ROCK1: variants seen among roughly 807,000 people sequenced by gnomAD.
ROCK1 encodes the protein rho-associated protein kinase 1.
ROCK1 carries 36 observed loss-of-function variants against 196.8 expected under a neutral mutation model. The observed-to-expected ratio is 0.18, with a 90% CI of 0.14 to 0.24. ROCK1 has a LOEUF of 0.24. Ranked by LOEUF, ROCK1 falls within the 10% of genes least tolerant of loss-of-function variation. The pLI, the probability that ROCK1 is intolerant of heterozygous loss-of-function variation, is 1.00. For missense variants in ROCK1, 920 were observed against 1,562.0 expected (o/e 0.59, Z 6.93); for synonymous variants, 443 against 515.9 (o/e 0.86, Z 1.91).
At chr18:21,017,223 G>A (rs892004715) in intron 12 of ROCK1, among the ~76,000 whole-genome samples, 70 of 115,800 alleles carry the variant, frequency 6.0e-4, no homozygotes, top group Admixed American at 2.5e-3. Context: ...ATGAAATCTC[G>A]CTCTGTTGCC....
intron 27 of ROCK1, among the ~76,000 whole-genome samples, chr18:20,965,286 G>A (rs1331810847): frequency 6.6e-6 from 1 of 152,082 alleles, no homozygotes; most frequent in African/African-American, 2.4e-5. Flanking sequence ...AGCTACTCAG[G>A]AGGTTGGGGC....
chr18:20,959,146 A>ATATATATATTATATATTATAT (rs2035297535), intron 29 of ROCK1, among the ~76,000 whole-genome samples: 2 of 59,060 alleles, frequency 3.4e-5, no homozygotes, highest in Admixed American at 6.1e-4. Flanking sequence ...ATATTATATA[A>ATATATATATTATATATTATAT]AATATATATA....
At chr18:21,068,165 T>C (rs1448884020) in intron 2 of ROCK1, among the ~76,000 whole-genome samples, 3 of 152,238 alleles carry the variant, frequency 2.0e-5, no homozygotes, top group Non-Finnish European at 4.4e-5. Flanking sequence ...GCAAATATGT[T>C]CTATGTTTTC....
intron 1 of ROCK1, among the ~76,000 whole-genome samples, chr18:21,072,784 G>A (rs558828938): frequency 6.6e-6 from 1 of 152,108 alleles, no homozygotes; most frequent in East Asian, 1.9e-4. Flanking sequence ...TAAAAATGTA[G>A]AGGAGGCCAG....
At chr18:21,017,192 T>TC (rs1333787364) in intron 12 of ROCK1, among the ~76,000 whole-genome samples, 1 of 145,760 alleles carries the variant, frequency 6.9e-6, no homozygotes, top group East Asian at 2.0e-4. Context: ...ACTTCTTTTT[T>TC]TTTTTTTTTT....
intron 3 of ROCK1, 87 bp downstream of exon 3, chr18:21,049,693 A>T: frequency 3.5e-6 from 3 of 849,506 alleles, no homozygotes; most frequent in Non-Finnish European, 5.5e-6. Context: ...CTATAAAAAC[A>T]GTATTTTCCC....
rs946055404 is a variant in ROCK1, at chr18:21,017,739, G to A, written c.1362-2260C>T. On this transcript the variant is annotated intron_variant, in intron 12 of 32. Transcript: ENST00000399799. Reference sequence around the variant, plus strand: ...TGTAATCCCAGCACTTTGGGAGGCCGAGGTGGGCGGATCAAAAGGCCAGGA... The same window carrying A: ...TGTAATCCCAGCACTTTGGGAGGCCAAGGTGGGCGGATCAAAAGGCCAGGA... Among the ~76,000 whole-genome samples the A allele has an allele frequency of 5.9e-5, 9 of 151,772 alleles. No homozygotes were observed. In the East Asian group the frequency reaches 9.9e-4, roughly 17 times the overall value.
chr18:20,962,218 A>G (rs1449664576), intron 27 of ROCK1, among the ~76,000 whole-genome samples: 1 of 152,218 alleles, frequency 6.6e-6, no homozygotes, highest in Non-Finnish European at 1.5e-5. Context: ...CATATTGATC[A>G]TTCACCAATA....
chr18:21,092,394 C>A (rs1024501726), intron 1 of ROCK1, among the ~76,000 whole-genome samples: 3 of 151,966 alleles, frequency 2.0e-5, no homozygotes, highest in African/African-American at 4.8e-5. Context: ...CCAGGCTGGG[C>A]AACATCGTTA....
Position 21,008,203 on chromosome 18 carries a change from A to T in ROCK1, c.1411-9T>A, listed in dbSNP as rs776669840. Reference sequence around the variant, plus strand: ...TTTCTTCTTTGATTTCCCTGGAATTATAATGATAAAAGTTACCACTGTGAT... The same window carrying T: ...TTTCTTCTTTGATTTCCCTGGAATTTTAATGATAAAAGTTACCACTGTGAT... On this transcript the variant is annotated splice_polypyrimidine_tract_variant and intron_variant, in intron 13 of 32. Transcript: ENST00000399799. 3.6e-5 allele frequency: 56 copies of T among 1,568,656 alleles called. No individual in the cohort carries two copies. In the South Asian group the frequency reaches 6.4e-4, roughly 18 times the overall value.
At chr18:21,084,391 G>T (rs566682775) in intron 1 of ROCK1, among the ~76,000 whole-genome samples, 1 of 151,948 alleles carries the variant, frequency 6.6e-6, no homozygotes, top group Non-Finnish European at 1.5e-5. Context: ...AGATTATTAC[G>T]CAAAATATGT....
At chr18:20,991,104 T>G in intron 18 of ROCK1, 72 bp downstream of exon 18, 1 of 1,298,412 alleles carries the variant, frequency 7.7e-7, no homozygotes, top group Non-Finnish European at 1.1e-6. Flanking sequence ...GTACAAAATT[T>G]TGACCAAAAC....
At chr18:21,003,317 A>G (rs2035742107) in intron 16 of ROCK1, among the ~76,000 whole-genome samples, 1 of 152,194 alleles carries the variant, frequency 6.6e-6, no homozygotes, top group Non-Finnish European at 1.5e-5. Flanking sequence ...ACAGATTAAA[A>G]TAAACTTAAG....
chr18:21,090,356 A>T (rs1471801502), intron 1 of ROCK1, among the ~76,000 whole-genome samples: 1 of 152,188 alleles, frequency 6.6e-6, no homozygotes, highest in African/African-American at 2.4e-5. Context: ...TCAGCTACTC[A>T]GGAGGCTGAG....
chr18:21,040,259 T>G (rs990426093), intron 8 of ROCK1, among the ~76,000 whole-genome samples: 13 of 152,314 alleles, frequency 8.5e-5, no homozygotes, highest in African/African-American at 2.9e-4. Context: ...ACCAAAACTT[T>G]ACTTAGGCAG....
intron 22 of ROCK1, 23 bp from the exon 23 acceptor site, chr18:20,970,536 A>G: frequency 6.5e-7 from 1 of 1,546,598 alleles, no homozygotes; most frequent in Non-Finnish European, 8.8e-7. Context: ...TTTAAGAGAA[A>G]CTGATGTAAA....
intron 2 of ROCK1, among the ~76,000 whole-genome samples, chr18:21,067,725 T>G (rs184574501): frequency 6.6e-6 from 1 of 152,194 alleles, no homozygotes; most frequent in Non-Finnish European, 1.5e-5. Context: ...AAATAAAAGT[T>G]TTTTATTTTG....
intron 29 of ROCK1, among the ~76,000 whole-genome samples, chr18:20,956,044 C>T (rs2035238482): frequency 1.3e-5 from 2 of 152,102 alleles, no homozygotes; most frequent in Non-Finnish European, 1.5e-5. Flanking sequence ...AATCTATACA[C>T]GTGAGAAAGG....
chr18:21,104,372 C>T (rs1251813044), intron 1 of ROCK1, among the ~76,000 whole-genome samples: 2 of 151,942 alleles, frequency 1.3e-5, no homozygotes, highest in South Asian at 4.2e-4. Flanking sequence ...CTGAGGCGGG[C>T]GGATCACGAG....
Sources: allele counts gnomAD v4.1 joint callset (sites outside exome capture counted in the v4.1 genomes callset), GRCh38; gene constraint gnomAD v4.1.1; transcripts MANE v1.5; gene names NCBI Gene and HGNC (gene_info 2026-07-23, HGNC 2026-07-21).